Variants in ADIPOR2 observed in about 807,000 individuals in gnomAD.
ADIPOR2 encodes the protein adiponectin receptor protein 2.
Under a neutral mutation model 40.9 loss-of-function variants are expected in ADIPOR2, and 18 were observed. The ratio of observed to expected loss-of-function variants is 0.44; its 90% CI spans 0.30 to 0.65. The LOEUF (loss-of-function observed/expected upper bound fraction) is 0.65. Among genes scored for constraint, ADIPOR2 ranks in the 30% least tolerant of loss-of-function variants. The probability of loss-of-function intolerance (pLI) is 0.09; values close to 1 mark genes in which losing one functional copy is unlikely to be tolerated. For missense variants in ADIPOR2, 283 were observed against 479.2 expected, an observed-to-expected ratio of 0.59 and a Z score of 3.82; for synonymous variants, 165 against 166.4, an observed-to-expected ratio of 0.99 and a Z score of 0.06.
intron 2 of ADIPOR2, among the ~76,000 whole-genome samples, chr12:1,771,872 G>C (rs1276857641): frequency 1.3e-5 from 2 of 152,166 alleles, no homozygotes; most frequent in Non-Finnish European, 2.9e-5. Flanking sequence ...TGGTTCTCTT[G>C]TGCTGTCTTA....
chr12:1,711,613 CCTCTCTCT>C (rs3052417), intron 1 of ADIPOR2, among the ~76,000 whole-genome samples: 76,898 of 149,698 alleles, frequency 0.51, 19,860 homozygotes, highest in Admixed American at 0.6. Context: ...TTTGTCTCTT[CCTCTCTCT>C]CTCTCTCTCT....
At chr12:1,739,475 G>T (rs1338453119) in intron 1 of ADIPOR2, among the ~76,000 whole-genome samples, 2 of 152,190 alleles carry the variant, frequency 1.3e-5, no homozygotes, top group Non-Finnish European at 2.9e-5. Context: ...GCAAAGATTG[G>T]TGTTTACATT....
chr12:1,780,611 A>G lies in ADIPOR2; in HGVS notation c.624A>G (p.Ser208=). The change falls in exon 5 of 8, where the codon TCA becomes TCG. Residue 208 remains serine, a synonymous_variant. Transcript: ENST00000357103. ...SWLFHTVYCH[S]EGVSRLFSKL... is the part of the protein sequence containing the mutation. ...TCTTCCACACAGTCTACTGCCACTCAGAGGGGGTCTCTCGGCTCTTCTCTA... is the reference window on the plus strand; with the variant it reads ...TCTTCCACACAGTCTACTGCCACTCGGAGGGGGTCTCTCGGCTCTTCTCTA... The G allele has an allele frequency of 6.2e-7, 1 of 1,602,472 alleles. No homozygotes were observed. The highest frequency in any genetic ancestry group is 8.5e-7 in the Non-Finnish European group (1 of 1,176,570).
intron 2 of ADIPOR2, among the ~76,000 whole-genome samples, chr12:1,770,922 G>A (rs1469843503): frequency 6.6e-6 from 1 of 152,054 alleles, no homozygotes; most frequent in Non-Finnish European, 1.5e-5. Flanking sequence ...TGGGGTAGGG[G>A]ATGAAAAACT....
At chr12:1,731,919 G>A (rs1034978483) in intron 1 of ADIPOR2, among the ~76,000 whole-genome samples, 1 of 152,054 alleles carries the variant, frequency 6.6e-6, no homozygotes, top group Non-Finnish European at 1.5e-5. Flanking sequence ...AGCCGAGATC[G>A]TGCAGCTGCA....
intron 1 of ADIPOR2, among the ~76,000 whole-genome samples, chr12:1,699,751 T>C (rs1230299003): frequency 3.3e-5 from 5 of 152,268 alleles, no homozygotes; most frequent in Non-Finnish European, 7.3e-5. Context: ...AACTGATATC[T>C]TAGGACCTGT....
At chr12:1,694,750 T>G (rs61153802) in intron 1 of ADIPOR2, among the ~76,000 whole-genome samples, 6,816 of 152,266 alleles carry the variant, frequency 0.045, 251 homozygotes, top group East Asian at 0.17. Flanking sequence ...CACCTCTCTT[T>G]GTGTGCATAT....
chr12:1,707,486 T>G (rs1419337094), intron 1 of ADIPOR2, among the ~76,000 whole-genome samples: 1 of 152,132 alleles, frequency 6.6e-6, no homozygotes, highest in African/African-American at 2.4e-5. Flanking sequence ...AGTTTTGTTT[T>G]TTGTTGTGAG....
chr12:1,744,907 A>AAGT (rs1216690306), intron 1 of ADIPOR2, among the ~76,000 whole-genome samples: 5 of 152,354 alleles, frequency 3.3e-5, no homozygotes, highest in African/African-American at 1.2e-4. Context: ...TCCACTCCTA[A>AAGT]AGAAGTCCTG....
chr12:1,760,472 C>T (rs1286267385), intron 2 of ADIPOR2, among the ~76,000 whole-genome samples: 1 of 152,144 alleles, frequency 6.6e-6, no homozygotes, highest in African/African-American at 2.4e-5. Flanking sequence ...ACCCATTTGC[C>T]ATCACTTCCC....
rs1555170937 is a variant in ADIPOR2 at position 1,764,588 on chromosome 12, C to CACACACACAT, written c.172-8252_172-8251insACACACATAC. 3.3e-3 allele frequency among the ~76,000 whole-genome samples: 460 copies of CACACACACAT among 140,020 alleles called. 11 individuals carry two copies. The highest frequency in any genetic ancestry group is 8.2e-3 in the African/African-American group (328 of 39,972). The allele number at this position is 140,020 out of a possible 152,430, so 91.9% of individuals were successfully genotyped here. On this transcript the variant is annotated intron_variant, in intron 2 of 7. Transcript: ENST00000357103. ...ACACACACACACACACACACACACA[C>CACACACACAT]ACGTAGATATATTGTAAGTGGATAG...
At chr12:1,713,824 A>T (rs2094682430) in intron 1 of ADIPOR2, among the ~76,000 whole-genome samples, 1 of 152,054 alleles carries the variant, frequency 6.6e-6, no homozygotes. Flanking sequence ...TGTCCGGGAC[A>T]GGAGATTAAC....
chr12:1,695,625 T>C (rs966784719), intron 1 of ADIPOR2, among the ~76,000 whole-genome samples: 1 of 144,592 alleles, frequency 6.9e-6, no homozygotes, highest in Non-Finnish European at 1.5e-5. Flanking sequence ...ATTGCACCAC[T>C]GCGCTCTAGC....
chr12:1,713,945 G>A, intron 1 of ADIPOR2, among the ~76,000 whole-genome samples: 1 of 152,062 alleles, frequency 6.6e-6, no homozygotes, highest in East Asian at 1.9e-4. Context: ...GGCCCTCAAT[G>A]GTTAAACATA....
intron 7 of ADIPOR2, among the ~76,000 whole-genome samples, chr12:1,785,035 C>T (rs1862798753): frequency 6.6e-6 from 1 of 151,982 alleles, no homozygotes. Flanking sequence ...GGGTTTTTGC[C>T]CTTTATCCCC....
At chr12:1,715,464 C>T (rs2094685683) in intron 1 of ADIPOR2, among the ~76,000 whole-genome samples, 1 of 152,008 alleles carries the variant, frequency 6.6e-6, no homozygotes, top group African/African-American at 2.4e-5. Context: ...TGTTCCCCAT[C>T]TGAAAGAAAA....
chr12:1,728,641 T>C (rs1042039108), intron 1 of ADIPOR2, among the ~76,000 whole-genome samples: 2 of 151,794 alleles, frequency 1.3e-5, no homozygotes, highest in African/African-American at 4.8e-5. Flanking sequence ...GGAGAATTGC[T>C]TGAACCTGGG....
chr12:1,785,304 T>G (rs2154444597), intron 7 of ADIPOR2, among the ~76,000 whole-genome samples: 1 of 152,364 alleles, frequency 6.6e-6, no homozygotes, highest in African/African-American at 2.4e-5. Context: ...GTCACTTGCT[T>G]GTAGACCAGC....
At chr12:1,733,265 G>A (rs1565641999) in intron 1 of ADIPOR2, among the ~76,000 whole-genome samples, 1 of 152,120 alleles carries the variant, frequency 6.6e-6, no homozygotes, top group Non-Finnish European at 1.5e-5. Flanking sequence ...AGGTTCTTAG[G>A]TACAGGTAGC....
Sources: allele counts gnomAD v4.1 joint callset (sites outside exome capture counted in the v4.1 genomes callset), GRCh38; gene constraint gnomAD v4.1.1; transcripts MANE v1.5; gene names NCBI Gene and HGNC (gene_info 2026-07-23, HGNC 2026-07-21).